Variants in IL10RB observed in about 807,000 individuals in gnomAD.
IL10RB encodes the protein interleukin 10 receptor subunit beta.
IL10RB carries 30 observed loss-of-function variants against 38.7 expected under a neutral mutation model. The observed-to-expected ratio is 0.78, with a 90% confidence interval of 0.58 to 1.05. The LOEUF (loss-of-function observed/expected upper bound fraction) is 1.05. Among genes scored for constraint, IL10RB ranks in the 50% least tolerant of loss-of-function variants. The probability of loss-of-function intolerance (pLI) is 0.00; values close to 1 mark genes in which losing one functional copy is unlikely to be tolerated. For synonymous variants in IL10RB, 142 were observed against 145.9 expected (o/e 0.97, Z 0.19); for missense variants, 328 against 397.1 (o/e 0.83, Z 1.48).
intron 1 of IL10RB, among the ~76,000 whole-genome samples, chr21:33,304,053 C>T (rs749316703): frequency 4.6e-5 from 7 of 152,154 alleles, no homozygotes; most frequent in Non-Finnish European, 1.0e-4. Flanking sequence ...TGCCAGAGCC[C>T]GCTAGAAAAC....
downstream of IL10RB, among the ~76,000 whole-genome samples, chr21:33,299,322 C>A (rs1272776807): frequency 6.6e-6 from 1 of 152,176 alleles, no homozygotes; most frequent in East Asian, 1.9e-4. Flanking sequence ...AAGGGAAGAA[C>A]ACCTGTGGGA....
chr21:33,266,371 C>T lies in IL10RB; in HGVS notation c.-95C>T, dbSNP rs13046195. 5.2e-5 allele frequency: 74 copies of T among 1,423,640 alleles called. No individual in the cohort carries two copies. The South Asian group carries it at 8.4e-4, about 16-fold the overall frequency. The allele number at this position is 1,423,640 out of a possible 1,614,324, so 88.2% of individuals were successfully genotyped here. A position where few individuals can be genotyped will look rare whatever the true frequency, so the allele number is the denominator to read the frequency against. ...CCTCCCCACCCCGCCCCGCCCATCT[C>T]CGCTGGTTCCCGGAAGCCGCCGCGG... is the stretch of plus-strand genomic sequence containing the variant. On this transcript the variant is annotated 5_prime_UTR_variant, in exon 1 of 7. Coordinates refer to ENST00000290200, the MANE Select transcript of IL10RB (RefSeq NM_000628.5).
intron 6 of IL10RB, among the ~76,000 whole-genome samples, chr21:33,290,186 G>A (rs552520384): frequency 2.0e-5 from 3 of 151,740 alleles, no homozygotes; most frequent in African/African-American, 7.3e-5. Context: ...AGCTACTCGG[G>A]AGACTGAGGC....
chr21:33,286,331 C>T (rs1428044470), intron 5 of IL10RB, among the ~76,000 whole-genome samples: 1 of 152,158 alleles, frequency 6.6e-6, no homozygotes, highest in Non-Finnish European at 1.5e-5. Flanking sequence ...TGTTTGTTCT[C>T]TTGGCCCCTC....
chr21:33,277,847 A>G (rs1486532729), intron 3 of IL10RB, among the ~76,000 whole-genome samples: 1 of 149,634 alleles, frequency 6.7e-6, no homozygotes, highest in Admixed American at 6.6e-5. Flanking sequence ...ATTTTTTTGT[A>G]TTTTTAGTAG....
downstream of IL10RB, among the ~76,000 whole-genome samples, chr21:33,301,195 G>A (rs1417569285): frequency 6.6e-6 from 1 of 152,070 alleles, no homozygotes; most frequent in Non-Finnish European, 1.5e-5. Flanking sequence ...AAAAACAAAC[G>A]GGAAGTAAAA....
chr21:33,293,241 G>A (rs1307134522), intron 6 of IL10RB, among the ~76,000 whole-genome samples: 2 of 152,198 alleles, frequency 1.3e-5, no homozygotes, highest in Non-Finnish European at 2.9e-5. Context: ...ATGTATTGTT[G>A]TGATAGCTAA....
downstream of IL10RB, among the ~76,000 whole-genome samples, chr21:33,297,620 C>A (rs962527063): frequency 1.3e-5 from 2 of 151,922 alleles, no homozygotes; most frequent in Non-Finnish European, 2.9e-5. Flanking sequence ...GAGTTGAGAC[C>A]ATTCCAGGCA....
At chr21:33,303,350 C>CTTTTTT (rs11340111) in intron 1 of IL10RB, among the ~76,000 whole-genome samples, 22 of 109,944 alleles carry the variant, frequency 2.0e-4, no homozygotes, top group Non-Finnish European at 3.2e-4. Flanking sequence ...CTGTTACTTT[C>CTTTTTT]TTTTTTTTTT....
intron 6 of IL10RB, among the ~76,000 whole-genome samples, chr21:33,288,675 A>G (rs8178528): frequency 0.46 from 69,298 of 151,924 alleles, 16,660 homozygotes; most frequent in Non-Finnish European, 0.54. Flanking sequence ...ATGGGAGGAA[A>G]GAAAGGAACA....
In IL10RB at chr21:33,303,417, C is replaced by A. The variant is rs150406779; in HGVS notation, c.130-5559C>A. ...TTGCCCAGGCTGGAATGCAGTGGCA[C>A]AATCTAAGTTCACTTCAACCTCCAC... is the stretch of plus-strand genomic sequence containing the variant. On this transcript the variant is annotated intron_variant, in intron 1 of 1. Coordinates refer to the IL10RB transcript ENST00000609556. Among the ~76,000 whole-genome samples, 4 of 143,000 alleles carry A rather than the reference C, an allele frequency of 2.8e-5. 1 individual carries two copies. Among genetic ancestry groups the A allele is most frequent in the African/African-American group, 7.8e-5 (3 of 38,258 alleles). 93.8% of individuals were successfully genotyped at this position (143,000 alleles called of 152,430 possible).
intron 2 of IL10RB, among the ~76,000 whole-genome samples, chr21:33,274,316 G>A (rs1300002382): frequency 6.6e-6 from 1 of 151,996 alleles, no homozygotes; most frequent in Non-Finnish European, 1.5e-5. Flanking sequence ...TTCCCAAGTA[G>A]TGACACCACA....
In IL10RB at chr21:33,296,292, G is replaced by A. The variant is rs376143910; in HGVS notation, c.913G>A (p.Gly305Ser). ...TGTCATTGCAGAAGACTCTGAGAGC[G>A]GCAAGCAGAATCCTGGTGACAGCTG... ...LSVIAEDSES[G>S]KQNPGDSCSL... The change falls in exon 7 of 7, where the codon GGC becomes AGC. Residue 305 changes from glycine (G) to serine (S), a missense_variant. By Grantham distance (56) the Gly-to-Ser change is moderately conservative. Transcript: ENST00000290200. 12 of 1,614,032 alleles carry A rather than the reference G, an allele frequency of 7.4e-6. No individual in the cohort carries two copies. Among genetic ancestry groups the A allele is most frequent in the Middle Eastern group, 1.6e-4 (1 of 6,084 alleles).
intron 6 of IL10RB, among the ~76,000 whole-genome samples, chr21:33,295,103 C>T (rs561958540): frequency 3.1e-4 from 47 of 152,294 alleles, no homozygotes; most frequent in East Asian, 2.9e-3. Context: ...CGGTGGCTCA[C>T]GCCTGTAATC....
At chr21:33,296,113 A>G in intron 6 of IL10RB, 71 bp from the exon 7 acceptor site, 1 of 1,202,264 alleles carries the variant, frequency 8.3e-7, no homozygotes. Context: ...GAGTTCTGTG[A>G]AAAAATCTTT....
downstream of IL10RB, among the ~76,000 whole-genome samples, chr21:33,300,573 T>C (rs758981136): frequency 2.0e-5 from 3 of 151,404 alleles, no homozygotes; most frequent in Non-Finnish European, 4.4e-5. Flanking sequence ...ATAAAACAAA[T>C]ATGCAAAGTG....
Position 33,296,664 on chromosome 21 carries a change from C to G in IL10RB, c.*307C>G, listed in dbSNP as rs768254301. On this transcript the variant is annotated 3_prime_UTR_variant, in exon 7 of 7. Transcript: ENST00000290200. ...AAGATCATGTTTTAATTGTGAGAAA[C>G]AGGGCCGAGCACAGTGGCTCACGCC... 2 of 477,060 alleles carry G rather than the reference C, an allele frequency of 4.2e-6. No homozygotes were observed. Among genetic ancestry groups the G allele is most frequent in the Non-Finnish European group, 8.1e-6 (2 of 246,480 alleles). 29.6% of individuals were successfully genotyped at this position (477,060 alleles called of 1,614,324 possible). A position where few individuals can be genotyped will look rare whatever the true frequency, so the allele number is the denominator to read the frequency against.
At chr21:33,300,642 C>T (rs948124941), downstream of IL10RB, among the ~76,000 whole-genome samples, 1 of 152,166 alleles carries the variant, frequency 6.6e-6, no homozygotes, top group Admixed American at 6.5e-5. Context: ...GATGTTTGTG[C>T]CTCTCCAAAA....
intron 6 of IL10RB, among the ~76,000 whole-genome samples, chr21:33,293,861 C>T (rs1234036723): frequency 6.6e-6 from 1 of 151,448 alleles, no homozygotes; most frequent in African/African-American, 2.4e-5. Flanking sequence ...ACTAAGAATC[C>T]TCTATGAGCT....
Sources: allele counts gnomAD v4.1 joint callset (sites outside exome capture counted in the v4.1 genomes callset), GRCh38; gene constraint gnomAD v4.1.1; transcripts MANE v1.5; gene names NCBI Gene and HGNC (gene_info 2026-07-23, HGNC 2026-07-21).